Variants in QTMAN observed in about 807,000 individuals in gnomAD.
The protein encoded by QTMAN is tRNA-queuosine alpha-mannosyltransferase.
the QTMAN span, among the ~76,000 whole-genome samples, chr2:144,092,599 G>A: frequency 2.0e-5 from 3 of 152,170 alleles, no homozygotes. Context: ...AATAGTTTTA[G>A]TCATTTTGAA....
chr2:144,118,750 G>A, the QTMAN span, among the ~76,000 whole-genome samples: 12 of 152,212 alleles, frequency 7.9e-5, no homozygotes, highest in African/African-American at 2.9e-4. Flanking sequence ...GCATGGTGGC[G>A]GATGCCTGTA....
chr2:144,261,377 C>T, the QTMAN span, among the ~76,000 whole-genome samples: 2 of 151,944 alleles, frequency 1.3e-5, no homozygotes, highest in African/African-American at 2.4e-5. Flanking sequence ...CCAGCAAAAC[C>T]TAAAAAGATT....
At chr2:144,309,840 A>T in the QTMAN span, among the ~76,000 whole-genome samples, 1 of 152,242 alleles carries the variant, frequency 6.6e-6, no homozygotes, top group East Asian at 1.9e-4. Context: ...AATAAAAGAC[A>T]AATCAACCTA....
the QTMAN span, among the ~76,000 whole-genome samples, chr2:143,972,848 G>A: frequency 1.3e-5 from 2 of 152,074 alleles, no homozygotes; most frequent in Non-Finnish European, 2.9e-5. Context: ...TTAATACCAG[G>A]CACTGTCTCA....
the QTMAN span, among the ~76,000 whole-genome samples, chr2:143,969,260 C>T: frequency 1.3e-5 from 2 of 152,178 alleles, no homozygotes; most frequent in African/African-American, 2.4e-5. Flanking sequence ...TCAATTAACA[C>T]TCGAAACCAC....
chr2:143,993,416 G>A, the QTMAN span, among the ~76,000 whole-genome samples: 1 of 147,512 alleles, frequency 6.8e-6, no homozygotes, highest in East Asian at 2.0e-4. Context: ...AAAAAAAAAA[G>A]GGGGGGGGAC....
the QTMAN span, among the ~76,000 whole-genome samples, chr2:143,976,964 T>C: frequency 6.6e-6 from 1 of 152,140 alleles, no homozygotes; most frequent in Non-Finnish European, 1.5e-5. Context: ...AGCAGATACA[T>C]TATATAACCG....
chr2:144,268,155 T>G, the QTMAN span, among the ~76,000 whole-genome samples: 20 of 152,104 alleles, frequency 1.3e-4, no homozygotes, highest in Non-Finnish European at 2.6e-4. Flanking sequence ...ATTCTATAAA[T>G]TCCCCACAAG....
the QTMAN span, among the ~76,000 whole-genome samples, chr2:144,118,208 G>A: frequency 6.6e-6 from 1 of 152,028 alleles, no homozygotes; most frequent in Non-Finnish European, 1.5e-5. Flanking sequence ...CTTGAAATGT[G>A]TTATTGTCTT....
the QTMAN span, among the ~76,000 whole-genome samples, chr2:144,240,004 A>G: frequency 1.3e-5 from 2 of 152,206 alleles, no homozygotes; most frequent in African/African-American, 2.4e-5. Flanking sequence ...ACCGCTAAGC[A>G]GAGTTTAAAA....
chr2:143,947,088 C>A, the QTMAN span: 23 of 1,613,948 alleles, frequency 1.4e-5, no homozygotes, highest in African/African-American at 2.8e-4. Flanking sequence ...TAAGCAGAGA[C>A]CTGAATTTAC....
the QTMAN span, among the ~76,000 whole-genome samples, chr2:144,101,798 T>C: frequency 6.6e-6 from 1 of 152,198 alleles, no homozygotes; most frequent in Non-Finnish European, 1.5e-5. Flanking sequence ...ACTACCTTGG[T>C]CTGTCAAAAT....
the QTMAN span, among the ~76,000 whole-genome samples, chr2:144,166,579 A>C: frequency 6.6e-6 from 1 of 152,216 alleles, no homozygotes; most frequent in Non-Finnish European, 1.5e-5. Context: ...ATCTTTGGCA[A>C]CTTAACTTTG....
the QTMAN span, among the ~76,000 whole-genome samples, chr2:144,280,978 T>C: frequency 1.3e-5 from 2 of 151,946 alleles, no homozygotes; most frequent in South Asian, 2.1e-4. Context: ...TACATACGTA[T>C]ACATGTGCCA....
chr2:144,165,842 C>T, the QTMAN span, among the ~76,000 whole-genome samples: 35 of 152,266 alleles, frequency 2.3e-4, 1 homozygote, highest in South Asian at 7.0e-3. Flanking sequence ...ACTTTACTTC[C>T]TAAATATTTC....
chr2:144,108,515 G>A, the QTMAN span, among the ~76,000 whole-genome samples: 1 of 151,982 alleles, frequency 6.6e-6, no homozygotes, highest in Non-Finnish European at 1.5e-5. Flanking sequence ...GCAGGTGCCT[G>A]TAGTCCCAGC....
At chr2:144,031,032 A>G in the QTMAN span, among the ~76,000 whole-genome samples, 2 of 152,214 alleles carry the variant, frequency 1.3e-5, no homozygotes, top group Admixed American at 6.5e-5. Flanking sequence ...GTGGGAACAA[A>G]CGTTCCTGCC....
chr2:144,189,539 C>T, the QTMAN span, among the ~76,000 whole-genome samples: 3 of 152,160 alleles, frequency 2.0e-5, no homozygotes, highest in Non-Finnish European at 2.9e-5. Flanking sequence ...GGCAATTGGT[C>T]GCTTTTATTG....
At chr2:144,133,923 T>G in the QTMAN span, among the ~76,000 whole-genome samples, 1 of 152,052 alleles carries the variant, frequency 6.6e-6, no homozygotes. Flanking sequence ...CAGTGCCCAT[T>G]TCATTATTTC....
Sources: allele counts gnomAD v4.1 joint callset (sites outside exome capture counted in the v4.1 genomes callset), GRCh38; gene constraint gnomAD v4.1.1; transcripts MANE v1.5; gene names NCBI Gene and HGNC (gene_info 2026-07-23, HGNC 2026-07-21).